TCF7L2: variants seen among roughly 807,000 people sequenced by gnomAD.
The protein encoded by TCF7L2 is transcription factor 7-like 2.
In TCF7L2, 23 loss-of-function variants were observed where a neutral mutation model predicts 77.9. The ratio of observed to expected loss-of-function variants is 0.30; its 90% CI spans 0.21 to 0.42. TCF7L2 has a LOEUF of 0.42. TCF7L2 is among the 10% of genes least tolerant of loss of function. TCF7L2 has a pLI of 1.00. For synonymous variants in TCF7L2, 413 were observed against 340.2 expected (o/e 1.21, Z -2.36); for missense variants, 654 against 793.1 (o/e 0.82, Z 2.11).
intron 4 of TCF7L2, among the ~76,000 whole-genome samples, chr10:113,020,667 T>G (rs889126743): frequency 2.0e-5 from 3 of 152,236 alleles, no homozygotes; most frequent in Non-Finnish European, 4.4e-5. Context: ...TTTCAAATAC[T>G]TGACCTCATT....
At position 112,981,268 on chromosome 10, in the gene TCF7L2, A is replaced by G. The variant is rs999209365; in HGVS notation, c.450+16644A>G. Among the ~76,000 whole-genome samples, 11 of 151,872 alleles carry G rather than the reference A, an allele frequency of 7.2e-5. No individual in the cohort carries two copies. The South Asian group carries it at 8.3e-4, about 12-fold the overall frequency. ...GAATTTGAGCAAGTAAAGGGCATCA[A>G]TAATGTGATGGGCCCCTTTCCTTGG... On this transcript the variant is annotated intron_variant, in intron 4 of 13. Coordinates refer to ENST00000627217, the MANE Select transcript of TCF7L2 (RefSeq NM_001146274.2).
intron 5 of TCF7L2, among the ~76,000 whole-genome samples, chr10:113,106,396 T>C (rs965703830): frequency 1.2e-4 from 18 of 152,198 alleles, no homozygotes; most frequent in Non-Finnish European, 2.2e-4. Flanking sequence ...TTTTCCTCTT[T>C]CCCCTCGGCC....
At chr10:113,128,130 T>C (rs906583227) in intron 5 of TCF7L2, among the ~76,000 whole-genome samples, 1 of 152,038 alleles carries the variant, frequency 6.6e-6, no homozygotes, top group African/African-American at 2.4e-5. Flanking sequence ...GCTTTTTACT[T>C]GTCAAAGTGG....
chr10:113,154,771 G>A (rs1383130933), intron 11 of TCF7L2, among the ~76,000 whole-genome samples: 1 of 152,132 alleles, frequency 6.6e-6, no homozygotes, highest in East Asian at 1.9e-4. Context: ...CTCCTGAGAC[G>A]ATTTGAGGTT....
intron 3 of TCF7L2, among the ~76,000 whole-genome samples, chr10:112,957,190 C>CT (rs35054285): frequency 0.073 from 4,415 of 60,238 alleles, 898 homozygotes; most frequent in Admixed American, 0.096. Flanking sequence ...ACACCCCCAC[C>CT]TTTTTTTTTT....
intron 5 of TCF7L2, among the ~76,000 whole-genome samples, chr10:113,137,910 A>G (rs1044585530): frequency 3.3e-5 from 5 of 152,178 alleles, no homozygotes; most frequent in Non-Finnish European, 7.3e-5. Context: ...ACCCCCAGCA[A>G]TGGGCATCGT....
chr10:113,150,813 A>C (rs902249854), intron 8 of TCF7L2, among the ~76,000 whole-genome samples, 185 bp from the exon 9 acceptor site: 6 of 152,230 alleles, frequency 3.9e-5, no homozygotes, highest in Non-Finnish European at 8.8e-5. Context: ...ATTGGCTTTA[A>C]TGACATTATG....
intron 12 of TCF7L2, 62 bp from the exon 14 acceptor site, chr10:113,159,858 T>A: frequency 2.2e-6 from 1 of 446,846 alleles, no homozygotes; most frequent in Non-Finnish European, 4.3e-6. Context: ...TTTCTCTCTC[T>A]CTCTCTCTCC....
At chr10:112,985,699 T>C (rs2041356883) in intron 4 of TCF7L2, among the ~76,000 whole-genome samples, 1 of 152,192 alleles carries the variant, frequency 6.6e-6, no homozygotes, top group Admixed American at 6.5e-5. Flanking sequence ...GGTCCTCGAT[T>C]GGAGCCTCCT....
intron 4 of TCF7L2, among the ~76,000 whole-genome samples, chr10:113,021,982 C>T (rs2048332091): frequency 6.6e-6 from 1 of 152,116 alleles, no homozygotes; most frequent in South Asian, 2.1e-4. Flanking sequence ...CTTGACTGTC[C>T]ACGCCTTCTT....
intron 4 of TCF7L2, among the ~76,000 whole-genome samples, chr10:112,992,266 GGGATT>G (rs2042690666): frequency 1.3e-5 from 2 of 152,198 alleles, no homozygotes; most frequent in South Asian, 4.1e-4. Flanking sequence ...CTCAGGCAGT[GGGATT>G]GGGCAACCTG....
intron 5 of TCF7L2, among the ~76,000 whole-genome samples, chr10:113,124,222 C>G (rs1160136418): frequency 6.6e-6 from 1 of 152,094 alleles, no homozygotes; most frequent in African/African-American, 2.4e-5. Flanking sequence ...GAGAACTTTG[C>G]CATCTGTATA....
chr10:113,036,084 C>A (rs1222511903), intron 4 of TCF7L2, among the ~76,000 whole-genome samples: 1 of 150,884 alleles, frequency 6.6e-6, no homozygotes, highest in Non-Finnish European at 1.5e-5. Context: ...GGTTTCCTGG[C>A]AACTTTGTCG....
intron 5 of TCF7L2, among the ~76,000 whole-genome samples, chr10:113,138,433 A>G (rs2136730758): frequency 6.6e-6 from 1 of 152,254 alleles, no homozygotes; most frequent in Middle Eastern, 3.4e-3. Context: ...TTTAAATCTC[A>G]CACTCAGTTA....
chr10:113,145,934 T>C lies in TCF7L2; in HGVS notation c.789-77T>C. Reference sequence around the variant, plus strand: ...ATAAAGCTTACTGTGCAGAGAGAACTTTTCCCTTTTCTTCTTTTTCTTGTC... The same window carrying C: ...ATAAAGCTTACTGTGCAGAGAGAACCTTTCCCTTTTCTTCTTTTTCTTGTC... On this transcript the variant is annotated intron_variant, in intron 7 of 13. Coordinates refer to ENST00000627217, the MANE Select transcript of TCF7L2 (RefSeq NM_001146274.2). 4.8e-6 allele frequency: 6 copies of C among 1,262,388 alleles called. No individual in the cohort carries two copies. The South Asian group carries it at 7.5e-5, about 16-fold the overall frequency. 78.2% of individuals were successfully genotyped at this position (1,262,388 alleles called of 1,614,324 possible).
intron 3 of TCF7L2, 164 bp downstream of exon 3, chr10:112,951,771 T>G: frequency 5.0e-6 from 1 of 200,502 alleles, no homozygotes; most frequent in Non-Finnish European, 8.9e-6. Context: ...CCCGAAACTC[T>G]CCAAACTTTT....
chr10:113,022,063 T>G (rs73358261), intron 4 of TCF7L2, among the ~76,000 whole-genome samples: 1 of 152,160 alleles, frequency 6.6e-6, no homozygotes, highest in Non-Finnish European at 1.5e-5. Flanking sequence ...GAAAAAAAAA[T>G]CAAGACATGG....
At chr10:113,108,823 C>A (rs184893135) in intron 5 of TCF7L2, among the ~76,000 whole-genome samples, 51 of 152,360 alleles carry the variant, frequency 3.3e-4, no homozygotes, top group African/African-American at 1.2e-3. Flanking sequence ...AAAATCACTT[C>A]TTCCACTTTA....
intron 4 of TCF7L2, among the ~76,000 whole-genome samples, chr10:113,028,912 T>A (rs1408223002): frequency 6.6e-6 from 1 of 152,212 alleles, no homozygotes; most frequent in Non-Finnish European, 1.5e-5. Flanking sequence ...CTCTCAAAGG[T>A]CATTTGTTGG....
Sources: gnomAD v4.1 joint callset for allele counts (sites outside exome capture counted in the v4.1 genomes callset) on GRCh38, gnomAD v4.1.1 for gene constraint, MANE v1.5 for transcripts, NCBI Gene and HGNC (gene_info 2026-07-23, HGNC 2026-07-21) for gene names.